PLEKHH2: variants seen among roughly 807,000 people sequenced by gnomAD.
The protein encoded by PLEKHH2 is pleckstrin homology domain-containing family H member 2.
PLEKHH2 carries 129 observed loss-of-function variants against 187.9 expected under a neutral mutation model. The ratio of observed to expected loss-of-function variants is 0.69; its 90% CI spans 0.59 to 0.79. The LOEUF (loss-of-function observed/expected upper bound fraction) is 0.79. PLEKHH2 is among the 30% of genes least tolerant of loss of function. The probability of loss-of-function intolerance (pLI) is 0.00; values close to 1 mark genes in which losing one functional copy is unlikely to be tolerated. For synonymous variants in PLEKHH2, 686 were observed against 605.6 expected, an observed-to-expected ratio of 1.13 and a Z score of -1.95; for missense variants, 2,076 against 1,751.2, an observed-to-expected ratio of 1.19 and a Z score of -3.31.
chr2:43,681,437 G>A, intron 3 of PLEKHH2: 1 of 1,547,412 alleles, frequency 6.5e-7, no homozygotes, highest in Non-Finnish European at 8.7e-7. Context: ...TGAGTTCCTT[G>A]TCAAAATAAT....
rs768575766 is a variant in PLEKHH2, at chr2:43,758,976, T to A, written c.4018T>A (p.Leu1340Met). The A allele has an allele frequency of 6.2e-7, 1 of 1,612,946 alleles. No individual in the cohort carries two copies. Among genetic ancestry groups the A allele is most frequent in the Non-Finnish European group, 8.5e-7 (1 of 1,179,008 alleles). Residue 1340 changes from leucine to methionine, a missense_variant, in exon 27 of 30, where the codon TTG becomes ATG. Physicochemically the swap from Leu to Met is conservative, Grantham distance 15 (BLOSUM62 2). Coordinates refer to ENST00000282406, the MANE Select transcript of PLEKHH2 (RefSeq NM_172069.4). Reference sequence around the variant, plus strand: ...TGCTGCTGACTGTGTGCGCATTTATTTGACAGTAGCCAGGAAGTGGCCATT... The same window carrying A: ...TGCTGCTGACTGTGTGCGCATTTATATGACAGTAGCCAGGAAGTGGCCATT... ...HSAADCVRIYLTVARKWPFFG... is the reference protein window; with the variant it reads ...HSAADCVRIYMTVARKWPFFG...
chr2:43,666,855 TTTATC>T (rs1667243670), intron 2 of PLEKHH2, among the ~76,000 whole-genome samples: 1 of 152,210 alleles, frequency 6.6e-6, no homozygotes, highest in African/African-American at 2.4e-5. Flanking sequence ...ATACAAGTCT[TTTATC>T]AGATGTGTTT....
Position 43,706,371 on chromosome 2 carries a change from G to A in PLEKHH2, c.1776G>A (p.Leu592=). The A allele has an allele frequency of 6.2e-7, 1 of 1,609,396 alleles. No individual in the cohort carries two copies. Among genetic ancestry groups the A allele is most frequent in the Non-Finnish European group, 8.5e-7 (1 of 1,175,974 alleles). The change falls in exon 10 of 30, where the codon CTG becomes CTA. Residue 592 remains leucine, a synonymous_variant. Transcript: ENST00000282406. ...SYTTSGLYTS[L]IYKNMTTPVY... ...CTACATCAGGACTTTATACATCTCT[G>A]ATATACAAGAACATGACCACCCCAG... is the stretch of plus-strand genomic sequence containing the variant.
At chr2:43,647,915 C>T (rs143869216) in intron 2 of PLEKHH2, among the ~76,000 whole-genome samples, 7 of 152,252 alleles carry the variant, frequency 4.6e-5, no homozygotes, top group East Asian at 3.9e-4. Context: ...CTGACTCTAG[C>T]GGCCAAATAT....
In PLEKHH2 at chr2:43,765,798, C is replaced by A; in HGVS notation, c.*200C>A. ...AGTAAAACATAAACACAAAATTTGC[C>A]AACACACTAATTTTCTTATAGAGTA... On this transcript the variant is annotated 3_prime_UTR_variant, in exon 30 of 30. Transcript: ENST00000282406. The A allele has an allele frequency of 4.2e-6, 2 of 471,126 alleles. No individual in the cohort carries two copies. The highest frequency in any genetic ancestry group is 7.1e-6 in the Non-Finnish European group (2 of 279,914). 29.2% of individuals were successfully genotyped at this position (471,126 alleles called of 1,614,324 possible).
At position 43,712,339 on chromosome 2, in the gene PLEKHH2, C is replaced by A. The variant is rs201780049; in HGVS notation, c.2416C>A (p.Leu806Met). 1 of 1,614,080 alleles carries A rather than the reference C, an allele frequency of 6.2e-7. No individual in the cohort carries two copies. The highest frequency in any genetic ancestry group is 8.5e-7 in the Non-Finnish European group (1 of 1,180,044). ...LRVQAANPLS[L>M]QPEGKPTMKG... is the part of the protein sequence containing the mutation. ...AGTACAAGCTGCCAACCCACTTTCC[C>A]TGCAGCCTGAGGGCAAACCCACCAT... The change falls in exon 15 of 30, where the codon CTG becomes ATG. Residue 806 changes from leucine to methionine, a missense_variant. Physicochemically the swap from Leu to Met is conservative, Grantham distance 15. Transcript: ENST00000282406.
intron 3 of PLEKHH2, among the ~76,000 whole-genome samples, chr2:43,688,822 C>T (rs2104455268): frequency 6.6e-6 from 1 of 152,322 alleles, no homozygotes; most frequent in South Asian, 2.1e-4. Context: ...ACTTAATCCT[C>T]CCATCAATGT....
intron 26 of PLEKHH2, among the ~76,000 whole-genome samples, chr2:43,757,551 T>C (rs553987024): frequency 6.6e-6 from 1 of 152,070 alleles, no homozygotes; most frequent in African/African-American, 2.4e-5. Context: ...CCCAAGTAGC[T>C]GGGACTACAG....
At chr2:43,702,929 C>A (rs1324088268) in intron 8 of PLEKHH2, among the ~76,000 whole-genome samples, 2 of 152,120 alleles carry the variant, frequency 1.3e-5, no homozygotes, top group Non-Finnish European at 2.9e-5. Context: ...TCTAATTCTA[C>A]TACTAACCAC....
At chr2:43,650,144 C>CTTTTTTT (rs70965311) in intron 2 of PLEKHH2, among the ~76,000 whole-genome samples, 8 of 95,662 alleles carry the variant, frequency 8.4e-5, no homozygotes, top group Admixed American at 1.2e-4. Flanking sequence ...TTTTTCTTTC[C>CTTTTTTT]TTTTTTTTTT....
At chr2:43,730,840 G>T (rs1671002521) in intron 18 of PLEKHH2, among the ~76,000 whole-genome samples, 1 of 152,198 alleles carries the variant, frequency 6.6e-6, no homozygotes. Context: ...ATGCCTTCAA[G>T]TTCCTCTTTA....
intron 2 of PLEKHH2, among the ~76,000 whole-genome samples, chr2:43,674,811 G>A (rs759916911): frequency 2.0e-5 from 3 of 151,976 alleles, no homozygotes; most frequent in Admixed American, 2.0e-4. Flanking sequence ...ATGGTGAAAC[G>A]CTGTCTCTAC....
intron 2 of PLEKHH2, among the ~76,000 whole-genome samples, chr2:43,664,011 C>A (rs1005150139): frequency 0.012 from 1,309 of 105,442 alleles, 76 homozygotes; most frequent in African/African-American, 0.047. Context: ...GAGATGAGTT[C>A]AATTCCTGGG....
chr2:43,688,551 A>C (rs902194974), intron 3 of PLEKHH2, among the ~76,000 whole-genome samples: 5 of 152,214 alleles, frequency 3.3e-5, no homozygotes, highest in Admixed American at 6.5e-5. Context: ...CAATGGGAGT[A>C]ATATTTGCAG....
intron 15 of PLEKHH2, among the ~76,000 whole-genome samples, chr2:43,715,344 GA>G (rs1670165125): frequency 6.6e-6 from 1 of 152,162 alleles, no homozygotes; most frequent in Non-Finnish European, 1.5e-5. Flanking sequence ...GTCCTTTGGA[GA>G]AAAAGCTAGA....
intron 7 of PLEKHH2, among the ~76,000 whole-genome samples, chr2:43,697,816 A>G (rs1339642378): frequency 6.6e-6 from 1 of 152,224 alleles, no homozygotes; most frequent in Non-Finnish European, 1.5e-5. Context: ...AAACTTCTAA[A>G]GAAAAAAACC....
In PLEKHH2 at chr2:43,659,984, A is replaced by G. The variant is rs1224521888; in HGVS notation, c.123+15188A>G. ...ATATGATTCCGTAACCACTACCACA[A>G]TCAACATAAACACTATTTCCATCAC... is the stretch of plus-strand genomic sequence containing the variant. On this transcript the variant is annotated intron_variant, in intron 2 of 29. Coordinates refer to ENST00000282406, the MANE Select transcript of PLEKHH2 (RefSeq NM_172069.4). Among the ~76,000 whole-genome samples the G allele has an allele frequency of 2.0e-5, 3 of 152,200 alleles. No individual in the cohort carries two copies. The East Asian group carries it at 5.8e-4, about 29-fold the overall frequency.
chr2:43,641,417 G>A (rs757982941), intron 1 of PLEKHH2, among the ~76,000 whole-genome samples: 1 of 151,956 alleles, frequency 6.6e-6, no homozygotes, highest in Admixed American at 6.6e-5. Context: ...TGGCCTGCAG[G>A]CCACAGGCAG....
chr2:43,670,689 T>A (rs1165261408), intron 2 of PLEKHH2, among the ~76,000 whole-genome samples: 1 of 152,124 alleles, frequency 6.6e-6, no homozygotes, highest in East Asian at 1.9e-4. Context: ...AATTTCAGAT[T>A]CTTCTTCTTA....
Sources: gnomAD v4.1 joint callset for allele counts (sites outside exome capture counted in the v4.1 genomes callset) on GRCh38, gnomAD v4.1.1 for gene constraint, MANE v1.5 for transcripts, NCBI Gene and HGNC (gene_info 2026-07-23, HGNC 2026-07-21) for gene names.